Variants in PTCHD4 observed in about 807,000 individuals in gnomAD.
PTCHD4 encodes patched domain containing 4.
In PTCHD4, 33 loss-of-function variants were observed where a neutral mutation model predicts 58.1. That is an observed-to-expected ratio of 0.57 (90% CI 0.43 to 0.76). PTCHD4 has a LOEUF of 0.76. PTCHD4 is among the 30% of genes least tolerant of loss of function. The probability of loss-of-function intolerance (pLI) is 0.00; values close to 1 mark genes in which losing one functional copy is unlikely to be tolerated. For synonymous variants in PTCHD4, 478 were observed against 409.6 expected (o/e 1.17, Z -2.02); for missense variants, 1,058 against 1,027.1 (o/e 1.03, Z -0.41).
intron 4 of PTCHD4, among the ~76,000 whole-genome samples, chr6:47,983,472 A>G (rs1013706633): frequency 7.9e-5 from 12 of 152,324 alleles, no homozygotes; most frequent in African/African-American, 2.9e-4. Flanking sequence ...ACATTAAAAC[A>G]GTTTTGAAAA....
At position 47,872,355 on chromosome 6, in the gene PTCHD4, T is replaced by C. The variant is rs1328979; in HGVS notation, c.*5948A>G. On this transcript the variant is annotated 3_prime_UTR_variant, in exon 5 of 5. Transcript: ENST00000339488. Reference sequence around the variant, plus strand: ...TTTCCCCCTCTGGTTTGACAGAGCCTTGTGGGCAATGTGCTTACTCTACAA... The same window carrying C: ...TTTCCCCCTCTGGTTTGACAGAGCCCTGTGGGCAATGTGCTTACTCTACAA... Among the ~76,000 whole-genome samples the C allele has an allele frequency of 0.67, 101,423 of 151,438 alleles. 34,409 individuals are homozygous for C. Among genetic ancestry groups the C allele is most frequent in the East Asian group, 0.78 (3,996 of 5,114 alleles).
chr6:48,006,964 C>T (rs1213629509), intron 4 of PTCHD4, among the ~76,000 whole-genome samples: 3 of 152,182 alleles, frequency 2.0e-5, no homozygotes, highest in Admixed American at 1.3e-4. Context: ...ACTAGCTGGG[C>T]GTGGTGGCTT....
At chr6:48,096,186 G>A (rs1765466555) in intron 1 of PTCHD4, among the ~76,000 whole-genome samples, 1 of 152,178 alleles carries the variant, frequency 6.6e-6, no homozygotes, top group South Asian at 2.1e-4. Context: ...GGTGGAGGAA[G>A]TGACATTTCA....
intron 3 of PTCHD4, among the ~76,000 whole-genome samples, chr6:48,011,334 G>T (rs150907577): frequency 6.6e-6 from 1 of 152,166 alleles, no homozygotes; most frequent in Non-Finnish European, 1.5e-5. Flanking sequence ...GAGCAGTGAT[G>T]ATGAGGTTTT....
intron 1 of PTCHD4, among the ~76,000 whole-genome samples, chr6:48,092,341 A>G (rs149940825): frequency 3.3e-5 from 5 of 152,330 alleles, no homozygotes; most frequent in African/African-American, 1.2e-4. Context: ...CTTACCAAAT[A>G]CTAAACTATC....
At chr6:48,031,114 A>G (rs1193037538) in intron 3 of PTCHD4, among the ~76,000 whole-genome samples, 2 of 152,072 alleles carry the variant, frequency 1.3e-5, no homozygotes, top group Admixed American at 1.3e-4. Context: ...CTTTCTTGTA[A>G]AATTCAATTT....
rs968060864 is a variant in PTCHD4, at chr6:47,877,503, T to A, written c.*800A>T. Reference sequence around the variant, plus strand: ...AATTCAAATGCCTTTTGTGTTTTCTTGTGAAGTCATCCAAAGCAAAAGTCT... The same window carrying A: ...AATTCAAATGCCTTTTGTGTTTTCTAGTGAAGTCATCCAAAGCAAAAGTCT... On this transcript the variant is annotated 3_prime_UTR_variant, in exon 5 of 5. Transcript: ENST00000339488. Among the ~76,000 whole-genome samples, 1 of 152,106 alleles carries A rather than the reference T, an allele frequency of 6.6e-6. No individual in the cohort carries two copies. The highest frequency in any genetic ancestry group is 1.5e-5 in the Non-Finnish European group (1 of 67,988).
intron 3 of PTCHD4, among the ~76,000 whole-genome samples, chr6:48,043,376 T>C (rs1489161559): frequency 6.6e-6 from 1 of 151,862 alleles, no homozygotes; most frequent in East Asian, 1.9e-4. Flanking sequence ...TAGAGAATTA[T>C]TATTCACTCC....
chr6:48,101,877 C>A (rs185400996), intron 1 of PTCHD4, among the ~76,000 whole-genome samples: 2 of 152,060 alleles, frequency 1.3e-5, no homozygotes, highest in African/African-American at 2.4e-5. Flanking sequence ...TTAGCTGGTG[C>A]GGTTGGATGA....
rs181561582 is a variant in PTCHD4, at chr6:48,033,160, C to T, written c.418-24046G>A. On this transcript the variant is annotated intron_variant, in intron 3 of 4. Coordinates refer to ENST00000339488, the MANE Select transcript of PTCHD4 (RefSeq NM_001384253.1). ...TCAACTTATAGCCACTACAGTAAATCATCTCTCAAAGGTTACTCTGCTCAA... is the reference window on the plus strand; with the variant it reads ...TCAACTTATAGCCACTACAGTAAATTATCTCTCAAAGGTTACTCTGCTCAA... Among the ~76,000 whole-genome samples the T allele has an allele frequency of 4.3e-3, 654 of 152,212 alleles. 2 individuals are homozygous for T. The highest frequency in any genetic ancestry group is 7.3e-3 in the Admixed American group (111 of 15,276).
intron 4 of PTCHD4, among the ~76,000 whole-genome samples, chr6:47,997,256 T>C (rs1307760635): frequency 6.6e-6 from 1 of 151,978 alleles, no homozygotes; most frequent in Non-Finnish European, 1.5e-5. Context: ...TTTTTTCTTT[T>C]TTTTTGTGCT....
chr6:48,042,813 A>G (rs1763891457), intron 3 of PTCHD4, among the ~76,000 whole-genome samples: 1 of 151,958 alleles, frequency 6.6e-6, no homozygotes, highest in African/African-American at 2.4e-5. Flanking sequence ...TAAATATTAC[A>G]TCTATCAATA....
intron 4 of PTCHD4, among the ~76,000 whole-genome samples, chr6:48,004,424 G>A (rs1768869878): frequency 6.6e-6 from 1 of 152,104 alleles, no homozygotes. Context: ...AGCACAGAAT[G>A]AGCCAGCTTG....
At position 47,857,130 on chromosome 6, in the gene PTCHD4, G is replaced by A. The variant is rs1274415810; in HGVS notation, c.*21173C>T. ...GTCCCACCTAACAAAAATTACTTATGATCAGTGTTGCTTTACATGTTTTCA... is the reference window on the plus strand; with the variant it reads ...GTCCCACCTAACAAAAATTACTTATAATCAGTGTTGCTTTACATGTTTTCA... On this transcript the variant is annotated 3_prime_UTR_variant, in exon 5 of 5. Coordinates refer to ENST00000339488, the MANE Select transcript of PTCHD4 (RefSeq NM_001384253.1). Among the ~76,000 whole-genome samples, 3 of 152,036 alleles carry A rather than the reference G, an allele frequency of 2.0e-5. No individual in the cohort carries two copies. Among genetic ancestry groups the A allele is most frequent in the African/African-American group, 7.2e-5 (3 of 41,410 alleles).
chr6:48,070,516 A>C (rs1446978508), intron 1 of PTCHD4, among the ~76,000 whole-genome samples: 1 of 152,208 alleles, frequency 6.6e-6, no homozygotes, highest in African/African-American at 2.4e-5. Context: ...TATAAGATTA[A>C]ATAAAAATTC....
At chr6:48,039,780 C>A (rs1212515104) in intron 3 of PTCHD4, among the ~76,000 whole-genome samples, 1 of 152,082 alleles carries the variant, frequency 6.6e-6, no homozygotes, top group African/African-American at 2.4e-5. Flanking sequence ...TATTGAAGGT[C>A]TCTGTCCCCA....
intron 4 of PTCHD4, among the ~76,000 whole-genome samples, chr6:47,883,489 C>T (rs1356760649): frequency 3.3e-5 from 5 of 151,990 alleles, no homozygotes; most frequent in Admixed American, 3.3e-4. Flanking sequence ...TTTTAAGTTC[C>T]TGCTAATGCA....
chr6:47,901,949 T>G (rs1423508369), intron 4 of PTCHD4: 2 of 1,290,920 alleles, frequency 1.5e-6, no homozygotes, highest in Non-Finnish European at 2.0e-6. Context: ...AAAAATAGTA[T>G]GAGCAAGTCA....
At position 47,863,839 on chromosome 6, in the gene PTCHD4, A is replaced by C. The variant is rs1763489612; in HGVS notation, c.*14464T>G. ...AACTTATTACAAATAGAGATTACTAAGGCCATCCCTTCAAGAGTTTAAAAA... is the reference window on the plus strand; with the variant it reads ...AACTTATTACAAATAGAGATTACTACGGCCATCCCTTCAAGAGTTTAAAAA... On this transcript the variant is annotated 3_prime_UTR_variant, in exon 5 of 5. Transcript: ENST00000339488. 6.6e-6 allele frequency among the ~76,000 whole-genome samples: 1 copy of C among 151,984 alleles called. No homozygotes were observed. Among genetic ancestry groups the C allele is most frequent in the South Asian group, 2.1e-4 (1 of 4,828 alleles).
Sources: gnomAD v4.1 joint callset for allele counts (sites outside exome capture counted in the v4.1 genomes callset) on GRCh38, gnomAD v4.1.1 for gene constraint, MANE v1.5 for transcripts, NCBI Gene and HGNC (gene_info 2026-07-23, HGNC 2026-07-21) for gene names.